SEPTIN9: variants seen among roughly 807,000 people sequenced by gnomAD.
SEPTIN9 encodes the protein septin-9.
In SEPTIN9, 13 loss-of-function variants were observed where a neutral mutation model predicts 56.6. The ratio of observed to expected loss-of-function variants is 0.23; its 90% confidence interval spans 0.15 to 0.37. SEPTIN9 has a LOEUF of 0.37. SEPTIN9 is among the 10% of genes least tolerant of loss of function. SEPTIN9 has a pLI of 1.00. For missense variants in SEPTIN9, 650 were observed against 823.1 expected (o/e 0.79, Z 2.57); for synonymous variants, 332 against 334.1 (o/e 0.99, Z 0.07).
intron 2 of SEPTIN9, among the ~76,000 whole-genome samples, chr17:77,359,689 G>A (rs1026044253): frequency 6.6e-6 from 1 of 152,114 alleles, no homozygotes. Flanking sequence ...CCAGCTACTC[G>A]AGAGGCTGAG....
Position 77,482,377 on chromosome 17 carries a change from C to T in SEPTIN9, c.913+42C>T, listed in dbSNP as rs764228476. On this transcript the variant is annotated intron_variant, in intron 4 of 11. Coordinates refer to ENST00000427177, the MANE Select transcript of SEPTIN9 (RefSeq NM_001113491.2). ...CATGCCACTCAACCAATGCCGGAAA[C>T]CAGCCTCAGCCCCCAGGGCGGCCCA... 10 of 1,594,006 alleles carry T rather than the reference C, an allele frequency of 6.3e-6. No individual in the cohort carries two copies. The Admixed American group carries it at 1.0e-4, about 16-fold the overall frequency.
chr17:77,297,416 C>T (rs750902338), intron 1 of SEPTIN9, among the ~76,000 whole-genome samples: 20 of 152,148 alleles, frequency 1.3e-4, no homozygotes, highest in Non-Finnish European at 2.6e-4. Context: ...ACCACTCAGC[C>T]CACCAACTCA....
chr17:77,354,288 AC>A (rs943041173), intron 2 of SEPTIN9, among the ~76,000 whole-genome samples: 1 of 152,154 alleles, frequency 6.6e-6, no homozygotes, highest in Non-Finnish European at 1.5e-5. Flanking sequence ...GGATAAAGGG[AC>A]TTGCCCAAGG....
Position 77,330,067 on chromosome 17 carries a change from T to TG in SEPTIN9, c.76+22876dup, listed in dbSNP as rs2033289315. 6.6e-6 allele frequency among the ~76,000 whole-genome samples: 1 copy of TG among 152,156 alleles called. No homozygotes were observed. Among genetic ancestry groups the TG allele is most frequent in the Admixed American group, 6.5e-5 (1 of 15,286 alleles). On this transcript the variant is annotated intron_variant, in intron 2 of 11. Coordinates refer to ENST00000427177, the MANE Select transcript of SEPTIN9 (RefSeq NM_001113491.2). This position sits in a 1 kb window ranked among gnomAD's most constrained non-coding sequence, Gnocchi z 4.4. ...TCTGCTTCCTTCCTCTCCCTCGGAA[T>TG]GGGGGGTGGACACTCCAAGACTAGC...
intron 3 of SEPTIN9, among the ~76,000 whole-genome samples, chr17:77,452,047 G>C (rs1312526261): frequency 6.6e-6 from 1 of 152,230 alleles, no homozygotes; most frequent in East Asian, 1.9e-4. Context: ...GCCGGCACTG[G>C]GATCCAGGGA....
chr17:77,409,649 A>G (rs929081061), intron 3 of SEPTIN9, among the ~76,000 whole-genome samples: 1 of 152,174 alleles, frequency 6.6e-6, no homozygotes, highest in Non-Finnish European at 1.5e-5. Context: ...GCCGCCTCTC[A>G]GCACTTGTCC....
At chr17:77,379,796 C>T (rs1166572906) in intron 2 of SEPTIN9, among the ~76,000 whole-genome samples, 1 of 152,162 alleles carries the variant, frequency 6.6e-6, no homozygotes. Flanking sequence ...CACCCCCTCC[C>T]CCGACTTTTT....
At chr17:77,481,736 C>T (rs1036465183) in intron 3 of SEPTIN9, among the ~76,000 whole-genome samples, 9 of 152,120 alleles carry the variant, frequency 5.9e-5, no homozygotes, top group Non-Finnish European at 1.3e-4. Context: ...CTGGGTGGCC[C>T]GAGGCAGTGT....
chr17:77,308,095 T>C (rs1238695916), intron 2 of SEPTIN9, among the ~76,000 whole-genome samples: 1 of 152,168 alleles, frequency 6.6e-6, no homozygotes, highest in Non-Finnish European at 1.5e-5. Flanking sequence ...CAGCAATGAA[T>C]GGACTTACCT....
rs891065209 is a variant in SEPTIN9 at position 77,307,017 on chromosome 17, C to T, written c.20-124C>T. ...GTAGGGCCTCTGTCCCCAGATGGGC[C>T]CCGTTTCTGGCTCTGGAACTCACAG... On this transcript the variant is annotated intron_variant, in intron 1 of 11. Transcript: ENST00000427177. The T allele has an allele frequency of 2.7e-5, 25 of 933,422 alleles. No homozygotes were observed. The Admixed American group carries it at 2.7e-4, about 10-fold the overall frequency. The allele number at this position is 933,422 out of a possible 1,614,324, so 57.8% of individuals were successfully genotyped here. A position where few individuals can be genotyped will look rare whatever the true frequency, so the allele number is the denominator to read the frequency against.
intron 2 of SEPTIN9, among the ~76,000 whole-genome samples, chr17:77,388,807 G>A (rs868456947): frequency 8.0e-6 from 1 of 124,274 alleles, no homozygotes; most frequent in East Asian, 2.2e-4. Context: ...CTGGTGTTAG[G>A]CGCTTTTTTT....
intron 2 of SEPTIN9, among the ~76,000 whole-genome samples, chr17:77,363,422 C>T (rs1253945249): frequency 5.7e-5 from 7 of 122,380 alleles, no homozygotes; most frequent in African/African-American, 1.2e-4. Flanking sequence ...GAGTCTCACT[C>T]TGTTGCCCAG....
chr17:77,380,905 G>C (rs1598282551), intron 2 of SEPTIN9, among the ~76,000 whole-genome samples: 1 of 152,226 alleles, frequency 6.6e-6, no homozygotes, highest in East Asian at 1.9e-4. Context: ...GCAGTTCCTG[G>C]GAGCTGGTTT....
At chr17:77,403,838 A>G (rs2035979587) in intron 3 of SEPTIN9, among the ~76,000 whole-genome samples, 1 of 152,152 alleles carries the variant, frequency 6.6e-6, no homozygotes, top group African/African-American at 2.4e-5. Flanking sequence ...CATTCAGTAC[A>G]TTCACGGTGT....
intron 3 of SEPTIN9, among the ~76,000 whole-genome samples, chr17:77,472,205 G>C (rs2039031060): frequency 6.6e-6 from 1 of 152,184 alleles, no homozygotes. Context: ...GAAAGCGGCG[G>C]GTGGTGTGAG....
chr17:77,466,101 C>T (rs1441504598), intron 3 of SEPTIN9, among the ~76,000 whole-genome samples: 2 of 133,866 alleles, frequency 1.5e-5, no homozygotes, highest in East Asian at 5.1e-4. Context: ...CACACACACA[C>T]ACACACGAGT....
intron 3 of SEPTIN9, chr17:77,466,331 G>C: frequency 1.0e-6 from 1 of 958,530 alleles, no homozygotes; most frequent in Non-Finnish European, 1.2e-6. Flanking sequence ...TCAGGCCCGG[G>C]CCAGGCCCCT....
rs140739975 is a variant in SEPTIN9, at chr17:77,460,698, C to T, written c.722-21446C>T. 4.1e-3 allele frequency among the ~76,000 whole-genome samples: 620 copies of T among 152,270 alleles called. 31 individuals carry two copies. The South Asian group carries it at 0.096, about 23-fold the overall frequency. On this transcript the variant is annotated intron_variant, in intron 3 of 11. Coordinates refer to ENST00000427177, the MANE Select transcript of SEPTIN9 (RefSeq NM_001113491.2). ...TGGTCCTGTTGAGCAGCCCTGGCCC[C>T]TGGAGCCCTCAGCAAGGGATGTGGG...
At chr17:77,410,079 C>T (rs1183406208) in intron 3 of SEPTIN9, among the ~76,000 whole-genome samples, 3 of 152,146 alleles carry the variant, frequency 2.0e-5, no homozygotes, top group Non-Finnish European at 4.4e-5. Flanking sequence ...AGGGGGGCTC[C>T]TGGGGTATGG....
Sources: gnomAD v4.1 joint callset for allele counts (sites outside exome capture counted in the v4.1 genomes callset) on GRCh38, gnomAD v4.1.1 for gene constraint, Gnocchi (gnomAD v3.1) non-coding constraint, MANE v1.5 for transcripts, NCBI Gene and HGNC (gene_info 2026-07-23, HGNC 2026-07-21) for gene names.